Variants in ANKRD30B observed in about 807,000 individuals in gnomAD.
ANKRD30B encodes ankyrin repeat domain-containing protein 30B.
Under a neutral mutation model 202.2 loss-of-function variants are expected in ANKRD30B, and 144 were observed. The observed-to-expected ratio is 0.71, with a 90% CI of 0.62 to 0.82. ANKRD30B has a LOEUF of 0.82. Ranked by LOEUF, ANKRD30B falls within the 40% of genes least tolerant of loss-of-function variation. ANKRD30B has a pLI of 0.00. For synonymous variants in ANKRD30B, 508 were observed against 561.3 expected (o/e 0.91, Z 1.34); for missense variants, 1,487 against 1,669.1 (o/e 0.89, Z 1.90).
chr18:14,799,563 G>A (rs943288580), intron 22 of ANKRD30B, among the ~76,000 whole-genome samples: 7 of 151,974 alleles, frequency 4.6e-5, no homozygotes, highest in South Asian at 2.1e-4. Context: ...ATTTCTGTAC[G>A]TGCTCGGTTT....
Position 14,757,819 on chromosome 18 carries a change from G to A in ANKRD30B, c.622G>A (p.Ala208Thr). The stretch of plus-strand genomic sequence containing the variant: ...GTTATCTCTTTGTTATTTTAGCACA[G>A]CCCTCATGCTTGCCATATGTGAAGG... ...ANAFNESKCT[A>T]LMLAICEGSS... Residue 208 changes from alanine (A) to threonine (T), a missense_variant, in exon 5 of 44, where the codon GCC becomes ACC. Around this residue, in one of 6 missense-constraint regions of ANKRD30B, gnomAD observed 889 missense variants for 841.4 expected, o/e 1.06. Transcript: ENST00000690538. 6.2e-7 allele frequency: 1 copy of A among 1,612,998 alleles called. No individual in the cohort carries two copies. The highest frequency in any genetic ancestry group is 8.5e-7 in the Non-Finnish European group (1 of 1,179,636).
chr18:14,874,198 G>T, the ANKRD30B span, among the ~76,000 whole-genome samples: 1 of 152,124 alleles, frequency 6.6e-6, no homozygotes, highest in Admixed American at 6.5e-5. Flanking sequence ...CTATACTCTG[G>T]TTCTAGAGTA....
the ANKRD30B span, among the ~76,000 whole-genome samples, chr18:14,930,627 A>G: frequency 6.6e-6 from 1 of 152,026 alleles, no homozygotes; most frequent in African/African-American, 2.4e-5. Flanking sequence ...CCAGCCACCT[A>G]TTATACCTTC....
chr18:14,895,310 G>A, the ANKRD30B span, among the ~76,000 whole-genome samples: 8 of 151,978 alleles, frequency 5.3e-5, no homozygotes, highest in Middle Eastern at 6.8e-3. Context: ...AAAAGGAATC[G>A]CAAATTAAAA....
At chr18:14,880,376 T>C in the ANKRD30B span, among the ~76,000 whole-genome samples, 6 of 152,172 alleles carry the variant, frequency 3.9e-5, no homozygotes, top group African/African-American at 1.4e-4. Context: ...TTCTTTTGGT[T>C]CCATATTAAT....
At chr18:14,782,640 G>C (rs1186909624) in intron 12 of ANKRD30B, 26 bp downstream of exon 12, 2 of 1,476,574 alleles carry the variant, frequency 1.4e-6, no homozygotes, top group Non-Finnish European at 9.2e-7. Flanking sequence ...TATTTGAAAA[G>C]TCTTTTAACC....
downstream of ANKRD30B, among the ~76,000 whole-genome samples, chr18:14,858,724 G>GAT (rs1972138274): frequency 1.4e-5 from 2 of 144,872 alleles, no homozygotes; most frequent in Admixed American, 6.7e-5. Flanking sequence ...CCTCCCAGAC[G>GAT]GGGCGGCTGG....
At chr18:14,784,239 C>A in intron 12 of ANKRD30B, 97 bp from the exon 13 acceptor site, 1 of 1,260,772 alleles carries the variant, frequency 7.9e-7, no homozygotes, top group South Asian at 1.3e-5. Context: ...TTCTCAAAGT[C>A]AACCAAGAGG....
the ANKRD30B span, among the ~76,000 whole-genome samples, chr18:14,914,679 G>A: frequency 6.8e-4 from 103 of 152,250 alleles, no homozygotes; most frequent in Middle Eastern, 3.4e-3. Context: ...AGGGTGTTGA[G>A]TTTCTAGCTT....
At chr18:14,798,003 G>A (rs1299165452) in intron 20 of ANKRD30B, 149 bp downstream of exon 20, 3 of 919,562 alleles carry the variant, frequency 3.3e-6, no homozygotes, top group Non-Finnish European at 4.8e-6. Flanking sequence ...ATTTATGTTT[G>A]AGAAAATGTC....
At chr18:14,764,129 C>G in intron 7 of ANKRD30B, 39 bp downstream of exon 7, 1 of 1,461,726 alleles carries the variant, frequency 6.8e-7, no homozygotes, top group Non-Finnish European at 9.0e-7. Context: ...TTTATTGGCA[C>G]TTTGGGTTCC....
At chr18:14,752,133 A>C (rs1207628493) in intron 1 of ANKRD30B, among the ~76,000 whole-genome samples, 1 of 152,178 alleles carries the variant, frequency 6.6e-6, no homozygotes, top group African/African-American at 2.4e-5. Context: ...AGTAGTAATA[A>C]TTATAATATC....
At chr18:14,841,879 T>C (rs1971433322) in intron 37 of ANKRD30B, among the ~76,000 whole-genome samples, 1 of 152,220 alleles carries the variant, frequency 6.6e-6, no homozygotes, top group African/African-American at 2.4e-5. Flanking sequence ...TAGTTTTCTC[T>C]ATTACTATCA....
chr18:14,870,880 C>T, the ANKRD30B span, among the ~76,000 whole-genome samples: 238 of 152,154 alleles, frequency 1.6e-3, 3 homozygotes, highest in South Asian at 0.047. Context: ...TGGCTTCTGT[C>T]CCAAACCTGC....
chr18:14,925,487 C>T, the ANKRD30B span, among the ~76,000 whole-genome samples: 1 of 152,352 alleles, frequency 6.6e-6, no homozygotes, highest in Non-Finnish European at 1.5e-5. Flanking sequence ...GACTTATCTA[C>T]AGCCTGGGGT....
chr18:14,797,172 G>A (rs1968960453), intron 18 of ANKRD30B, among the ~76,000 whole-genome samples: 1 of 152,046 alleles, frequency 6.6e-6, no homozygotes. Context: ...GCAAGATGAG[G>A]GCATTCATAG....
At chr18:14,902,067 G>A in the ANKRD30B span, among the ~76,000 whole-genome samples, 1 of 152,194 alleles carries the variant, frequency 6.6e-6, no homozygotes, top group East Asian at 1.9e-4. Flanking sequence ...TGAGGATGAT[G>A]AAAAAGTGAA....
At chr18:14,783,887 C>T (rs1156279231) in intron 12 of ANKRD30B, among the ~76,000 whole-genome samples, 1 of 151,992 alleles carries the variant, frequency 6.6e-6, no homozygotes, top group African/African-American at 2.4e-5. Flanking sequence ...CCAAGCTGAT[C>T]AATTCATAAC....
the ANKRD30B span, among the ~76,000 whole-genome samples, chr18:14,937,475 C>A: frequency 1.9e-4 from 6 of 32,148 alleles, no homozygotes; most frequent in Non-Finnish European, 2.9e-4. Flanking sequence ...CACGTCCTCC[C>A]GCCCATGGTA....
Sources: gnomAD v4.1 joint callset for allele counts (sites outside exome capture counted in the v4.1 genomes callset) on GRCh38, gnomAD v4.1.1 for gene constraint, gnomAD v4.1.1 regional missense constraint, MANE v1.5 for transcripts, NCBI Gene and HGNC (gene_info 2026-07-23, HGNC 2026-07-21) for gene names.